Variants in ANKRD11 observed in about 807,000 individuals in gnomAD.
The protein encoded by ANKRD11 is ankyrin repeat domain 11.
ANKRD11 carries 17 observed loss-of-function variants against 195.7 expected under a neutral mutation model. The observed-to-expected ratio is 0.09, with a 90% CI of 0.06 to 0.13. The LOEUF (loss-of-function observed/expected upper bound fraction) is 0.13, where lower values mean the gene tolerates loss of function less well. Among genes scored for constraint, ANKRD11 ranks in the 10% least tolerant of loss-of-function variants. The probability of loss-of-function intolerance (pLI) is 1.00; values close to 1 mark genes in which losing one functional copy is unlikely to be tolerated. For missense variants in ANKRD11, 3,735 were observed against 3,566.1 expected, an observed-to-expected ratio of 1.05 and a Z score of -1.21; for synonymous variants, 1,953 against 1,528.1, an observed-to-expected ratio of 1.28 and a Z score of -6.49.
chr16:89,323,337 T>G, intron 2 of ANKRD11: 1 of 1,288,266 alleles, frequency 7.8e-7, no homozygotes, highest in South Asian at 1.2e-5. Flanking sequence ...ATCCCAGGTA[T>G]GGAAGAGAAG....
intron 2 of ANKRD11, among the ~76,000 whole-genome samples, chr16:89,407,424 C>G (rs1030930742): frequency 6.6e-6 from 1 of 152,174 alleles, no homozygotes; most frequent in African/African-American, 2.4e-5. Flanking sequence ...TCCCCAGGCC[C>G]TTCCCAGCAT....
intron 3 of ANKRD11, among the ~76,000 whole-genome samples, chr16:89,315,188 G>A (rs1463461357): frequency 1.3e-5 from 2 of 152,198 alleles, no homozygotes; most frequent in African/African-American, 4.8e-5. Flanking sequence ...CCGAAGCTTG[G>A]TGGCAGTGGC....
chr16:89,382,461 G>A (rs1236863070), intron 2 of ANKRD11, among the ~76,000 whole-genome samples: 2 of 152,018 alleles, frequency 1.3e-5, no homozygotes, highest in African/African-American at 4.8e-5. Context: ...GAATAGCTGG[G>A]ATCACAGGTG....
intron 1 of ANKRD11, among the ~76,000 whole-genome samples, chr16:89,428,299 G>A (rs2042810191): frequency 6.6e-6 from 1 of 151,676 alleles, no homozygotes; most frequent in Non-Finnish European, 1.5e-5. Context: ...GCCAAGGCGG[G>A]CAGATCAGAA....
At chr16:89,346,714 G>A (rs1252736116) in intron 2 of ANKRD11, among the ~76,000 whole-genome samples, 2 of 152,196 alleles carry the variant, frequency 1.3e-5, no homozygotes, top group African/African-American at 4.8e-5. Flanking sequence ...ATACAGCAAG[G>A]TGGGAGATCC....
At chr16:89,358,827 T>C (rs906953135) in intron 2 of ANKRD11, among the ~76,000 whole-genome samples, 1 of 151,910 alleles carries the variant, frequency 6.6e-6, no homozygotes, top group Admixed American at 6.5e-5. Flanking sequence ...GTTTTTTGCC[T>C]GTAGGTTTTT....
At chr16:89,461,613 C>T (rs2056673178) in intron 1 of ANKRD11, among the ~76,000 whole-genome samples, 1 of 152,100 alleles carries the variant, frequency 6.6e-6, no homozygotes, top group Admixed American at 6.5e-5. Context: ...AGTGCTGAGA[C>T]TACAGGCGTG....
intron 1 of ANKRD11, among the ~76,000 whole-genome samples, chr16:89,478,332 T>C (rs1315435898): frequency 6.6e-6 from 1 of 151,554 alleles, no homozygotes; most frequent in Non-Finnish European, 1.5e-5. Flanking sequence ...CACATTGGGG[T>C]TGGTTTTTTT....
At chr16:89,370,588 C>T (rs535177570) in intron 2 of ANKRD11, 76 of 152,608 alleles carry the variant, frequency 5.0e-4, no homozygotes, top group African/African-American at 1.7e-3. Flanking sequence ...CCAGGCAGCT[C>T]AGCGTCACCG....
intron 2 of ANKRD11, among the ~76,000 whole-genome samples, chr16:89,378,779 T>C (rs2040526682): frequency 6.6e-6 from 1 of 151,914 alleles, no homozygotes; most frequent in South Asian, 2.1e-4. Context: ...AGAGACGGGG[T>C]TTCATCATGT....
intron 1 of ANKRD11, among the ~76,000 whole-genome samples, chr16:89,486,893 C>A (rs1178757913): frequency 6.6e-6 from 1 of 151,674 alleles, no homozygotes; most frequent in African/African-American, 2.4e-5. Context: ...TCTGTAATCC[C>A]AGCTACTTGG....
chr16:89,461,627 C>A (rs1392738185), intron 1 of ANKRD11, among the ~76,000 whole-genome samples: 2 of 152,150 alleles, frequency 1.3e-5, no homozygotes, highest in Non-Finnish European at 2.9e-5. Context: ...AGGCGTGAGC[C>A]ACCACACCCC....
At chr16:89,299,855 CTGTGTGGGG>C (rs1247249320) in intron 4 of ANKRD11, 1 of 148,208 alleles carries the variant, frequency 6.7e-6, no homozygotes, top group African/African-American at 4.0e-5. Context: ...GGTGCCTGCC[CTGTGTGGGG>C]TGTGTGGGGT....
chr16:89,295,985 C>CATTTTTTTTTTT (rs1194925204), intron 4 of ANKRD11, among the ~76,000 whole-genome samples: 1 of 45,142 alleles, frequency 2.2e-5, no homozygotes. Context: ...ATCTGGCTGC[C>CATTTTTTTTTTT]TTTTTTTTTT....
At chr16:89,477,280 C>T (rs1235309256) in intron 1 of ANKRD11, among the ~76,000 whole-genome samples, 1 of 151,858 alleles carries the variant, frequency 6.6e-6, no homozygotes, top group Non-Finnish European at 1.5e-5. Flanking sequence ...GCAACCTCCA[C>T]CTCCCATGTT....
intron 3 of ANKRD11, chr16:89,313,423 G>T: frequency 7.8e-7 from 1 of 1,289,130 alleles, no homozygotes; most frequent in Non-Finnish European, 1.0e-6. Flanking sequence ...ACCGTCTGCA[G>T]AAGGGGCCCT....
Position 89,490,445 on chromosome 16 carries a change from G to C in ANKRD11, c.-345C>G. ...CCTCGGGCGCGCCCACGGCTCGGGC[G>C]AGAGCCGCGGCTCCCGGTGCGGACG... On this transcript the variant is annotated 5_prime_UTR_variant, in exon 1 of 13. Coordinates refer to ENST00000301030, the MANE Select transcript of ANKRD11 (RefSeq NM_013275.6). 1 of 363,534 alleles carries C rather than the reference G, an allele frequency of 2.8e-6. No individual in the cohort carries two copies. Among genetic ancestry groups the C allele is most frequent in the Admixed American group, 4.8e-5 (1 of 21,034 alleles). The allele number at this position is 363,534 out of a possible 1,614,324, so 22.5% of individuals were successfully genotyped here.
intron 4 of ANKRD11, among the ~76,000 whole-genome samples, chr16:89,295,158 C>T (rs1012877437): frequency 6.6e-6 from 1 of 152,202 alleles, no homozygotes; most frequent in African/African-American, 2.4e-5. Context: ...GGGTGGGAGC[C>T]ACTCCACAGC....
chr16:89,334,832 C>A (rs139870106), intron 2 of ANKRD11, among the ~76,000 whole-genome samples: 1 of 152,130 alleles, frequency 6.6e-6, no homozygotes, highest in Admixed American at 6.5e-5. Context: ...CCACAACACA[C>A]GGGGCGCACG....
Sources: gnomAD v4.1 joint callset for allele counts (sites outside exome capture counted in the v4.1 genomes callset) on GRCh38, gnomAD v4.1.1 for gene constraint, MANE v1.5 for transcripts, NCBI Gene and HGNC (gene_info 2026-07-23, HGNC 2026-07-21) for gene names.